The following MYO16 variants were observed in gnomAD, a reference collection of about 807,000 sequenced individuals.
The protein encoded by MYO16 is unconventional myosin-XVI.
A neutral mutation model predicts 205.3 loss-of-function variants in MYO16; 94 were observed. The ratio of observed to expected loss-of-function variants is 0.46; its 90% confidence interval spans 0.39 to 0.54. MYO16 has a LOEUF of 0.54. Among genes scored for constraint, MYO16 ranks in the 20% least tolerant of loss-of-function variants. MYO16 has a pLI of 0.00. For synonymous variants in MYO16, 988 were observed against 954.0 expected (o/e 1.04, Z -0.66); for missense variants, 2,315 against 2,387.5 (o/e 0.97, Z 0.63).
chr13:108,536,707 G>T, the MYO16 span, among the ~76,000 whole-genome samples: 4 of 152,052 alleles, frequency 2.6e-5, no homozygotes, highest in African/African-American at 9.7e-5. Context: ...GTATAAACCA[G>T]ATTTGAAGAC....
At chr13:108,802,930 T>G (rs1226568134) in intron 6 of MYO16, among the ~76,000 whole-genome samples, 1 of 152,222 alleles carries the variant, frequency 6.6e-6, no homozygotes. Context: ...TTTGTTTTCT[T>G]GTTATTCAGC....
intron 4 of MYO16, among the ~76,000 whole-genome samples, chr13:108,764,373 C>G (rs1885710943): frequency 6.6e-6 from 1 of 151,946 alleles, no homozygotes; most frequent in Admixed American, 6.6e-5. Flanking sequence ...GGTAAACAGA[C>G]CTGGAAAGGG....
intron 32 of MYO16, among the ~76,000 whole-genome samples, chr13:109,145,136 C>T (rs1392893390): frequency 6.6e-6 from 1 of 152,232 alleles, no homozygotes; most frequent in Non-Finnish European, 1.5e-5. Context: ...GTAGTGCTTA[C>T]TGTGCCAGGC....
chr13:108,946,298 G>T (rs541273173), intron 16 of MYO16, among the ~76,000 whole-genome samples: 2 of 151,730 alleles, frequency 1.3e-5, no homozygotes, highest in African/African-American at 4.8e-5. Flanking sequence ...AAAAAAAAAA[G>T]GGGGTTTGAC....
At chr13:108,955,642 A>G (rs1278010797) in intron 16 of MYO16, among the ~76,000 whole-genome samples, 1 of 152,160 alleles carries the variant, frequency 6.6e-6, no homozygotes, top group Non-Finnish European at 1.5e-5. Flanking sequence ...ATCACGAGGT[A>G]AGGAGTTCAA....
rs747878392 is a variant in MYO16, at chr13:108,714,759, TATATAGATG to T, written c.363+2037_363+2045del. Among the ~76,000 whole-genome samples, 59 of 152,342 alleles carry T rather than the reference TATATAGATG, an allele frequency of 3.9e-4. 1 individual carries two copies. Among genetic ancestry groups the T allele is most frequent in the Admixed American group, 9.1e-4 (14 of 15,308 alleles). Reference sequence around the variant, plus strand: ...TTTGTCCCTAACAAATATTTTTCTATATATAGATGATATAGATAGTATCTGACTTTTAAT... The same window carrying T: ...TTTGTCCCTAACAAATATTTTTCTATATATAGATAGTATCTGACTTTTAAT... On this transcript the variant is annotated intron_variant, in intron 3 of 34. Transcript: ENST00000457511.
chr13:108,517,086 T>C, the MYO16 span, among the ~76,000 whole-genome samples: 3 of 152,166 alleles, frequency 2.0e-5, no homozygotes, highest in Non-Finnish European at 4.4e-5. Flanking sequence ...TGCACCACTA[T>C]GTCCAGTTAT....
rs578094823 is a variant in MYO16, at chr13:108,926,307, T to C, written c.1925+16157T>C. ...CTCTTTCTATCTCCGATTCAAAGAG[T>C]AGCTATTATCTATTGTATTTGAAGT... On this transcript the variant is annotated intron_variant, in intron 16 of 34. Transcript: ENST00000457511. Among the ~76,000 whole-genome samples the C allele has an allele frequency of 2.0e-5, 3 of 152,232 alleles. No homozygotes were observed. In the South Asian group the frequency reaches 6.2e-4, roughly 32 times the overall value.
Position 109,206,739 on chromosome 13 carries a change from C to T in MYO16, c.5546C>T (p.Pro1849Leu). Residue 1849 changes from proline (P) to leucine (L), a missense_variant, in exon 35 of 35, where the codon CCT (proline) becomes CTT (leucine). This residue lies in a region of MYO16 where 1,097 missense variants were observed against 1,092.0 expected (regional missense o/e 1.00). Coordinates refer to ENST00000457511, the MANE Select transcript of MYO16 (RefSeq NM_001198950.3). ...QILHHAEPRVPPPPPCKKPSL... is the reference protein window; with the variant it reads ...QILHHAEPRVLPPPPCKKPSL... ...CTGCACCACGCTGAGCCCAGGGTGCCTCCCCCACCACCTTGCAAGAAGCCC... is the reference window on the plus strand; with the variant it reads ...CTGCACCACGCTGAGCCCAGGGTGCTTCCCCCACCACCTTGCAAGAAGCCC... The T allele has an allele frequency of 1.9e-6, 3 of 1,614,140 alleles. No homozygotes were observed. Among genetic ancestry groups the T allele is most frequent in the Non-Finnish European group, 2.5e-6 (3 of 1,180,014 alleles).
At chr13:108,895,315 GT>G (rs1324091979) in intron 14 of MYO16, among the ~76,000 whole-genome samples, 3 of 151,980 alleles carry the variant, frequency 2.0e-5, no homozygotes, top group African/African-American at 7.3e-5. Context: ...GTGCAACGTT[GT>G]CATTGTTGTT....
the MYO16 span, among the ~76,000 whole-genome samples, chr13:108,521,176 A>G: frequency 2.6e-5 from 4 of 152,248 alleles, no homozygotes; most frequent in African/African-American, 4.8e-5. Flanking sequence ...GGCTGGAAAT[A>G]AACATGTGTG....
intron 5 of MYO16, among the ~76,000 whole-genome samples, chr13:108,791,177 T>C (rs9301320): frequency 0.49 from 75,077 of 152,036 alleles, 18,779 homozygotes; most frequent in Non-Finnish European, 0.52. Flanking sequence ...GAAATGTTAG[T>C]TCTAAAATGG....
intron 5 of MYO16, 24 bp downstream of exon 5, chr13:108,785,767 T>C: frequency 7.3e-7 from 1 of 1,371,460 alleles, no homozygotes; most frequent in Non-Finnish European, 1.0e-6. Flanking sequence ...TTTAAAACCA[T>C]AGAAAAAAAT....
chr13:108,751,544 C>A (rs1277860141), intron 4 of MYO16, among the ~76,000 whole-genome samples: 1 of 152,106 alleles, frequency 6.6e-6, no homozygotes, highest in African/African-American at 2.4e-5. Context: ...TTAGCATAAA[C>A]CCCCACTCCT....
intron 16 of MYO16, among the ~76,000 whole-genome samples, chr13:108,917,862 C>T (rs924094094): frequency 2.6e-5 from 4 of 152,238 alleles, no homozygotes; most frequent in Admixed American, 1.3e-4. Flanking sequence ...TGTGATACTT[C>T]TGAAGCTAAT....
At chr13:108,864,503 AAC>A (rs1878608154) in intron 11 of MYO16, among the ~76,000 whole-genome samples, 1 of 152,098 alleles carries the variant, frequency 6.6e-6, no homozygotes, top group African/African-American at 2.4e-5. Context: ...TAAGGGATAC[AAC>A]ATGAGTTTTG....
chr13:108,641,043 C>G (rs16972866), intron 1 of MYO16, among the ~76,000 whole-genome samples: 3 of 152,104 alleles, frequency 2.0e-5, no homozygotes, highest in Middle Eastern at 3.2e-3. Flanking sequence ...ACTGGAGTTT[C>G]AAATTGACTT....
chr13:109,131,711 A>G (rs766941567), intron 31 of MYO16, among the ~76,000 whole-genome samples: 2 of 152,210 alleles, frequency 1.3e-5, no homozygotes, highest in Non-Finnish European at 2.9e-5. Flanking sequence ...CTTTGCAAAT[A>G]GTGGCTAGGA....
At chr13:109,083,631 T>C (rs967907184) in intron 27 of MYO16, among the ~76,000 whole-genome samples, 2 of 152,096 alleles carry the variant, frequency 1.3e-5, no homozygotes, top group Non-Finnish European at 2.9e-5. Context: ...ACCTCTAACA[T>C]TTACTCTAAG....
Sources: allele counts gnomAD v4.1 joint callset (sites outside exome capture counted in the v4.1 genomes callset), GRCh38; gene constraint gnomAD v4.1.1; regional missense constraint gnomAD v4.1.1; transcripts MANE v1.5; gene names NCBI Gene and HGNC (gene_info 2026-07-23, HGNC 2026-07-21).